The following ACSL1 variants were observed in gnomAD, a reference collection of about 807,000 sequenced individuals.
The protein encoded by ACSL1 is long-chain-fatty-acid--CoA ligase 1.
ACSL1 carries 41 observed loss-of-function variants against 98.4 expected under a neutral mutation model. The observed-to-expected ratio is 0.42, with a 90% CI of 0.32 to 0.54. ACSL1 has a LOEUF of 0.54. ACSL1 is among the 20% of genes least tolerant of loss of function. The pLI is 0.13. For synonymous variants in ACSL1, 316 were observed against 322.7 expected, an observed-to-expected ratio of 0.98 and a Z score of 0.22; for missense variants, 734 against 883.1, an observed-to-expected ratio of 0.83 and a Z score of 2.14.
At chr4:184,792,477 C>T (rs1768565004) in intron 2 of ACSL1, among the ~76,000 whole-genome samples, 1 of 152,146 alleles carries the variant, frequency 6.6e-6, no homozygotes, top group African/African-American at 2.4e-5. Flanking sequence ...GCTCTGTCGC[C>T]CAGGCTAGAG....
chr4:184,792,297 A>G (rs1288488717), intron 2 of ACSL1, among the ~76,000 whole-genome samples: 1 of 152,242 alleles, frequency 6.6e-6, no homozygotes, highest in Non-Finnish European at 1.5e-5. Flanking sequence ...ACGGGATAAA[A>G]GGTCACACTG....
chr4:184,768,531 G>C (rs926170291), intron 11 of ACSL1, 81 bp from the exon 12 acceptor site: 94 of 1,515,560 alleles, frequency 6.2e-5, no homozygotes, highest in Non-Finnish European at 7.9e-5. Context: ...CAACATTTCA[G>C]TTTTAGCATT....
At chr4:184,787,077 G>A (rs999524555) in intron 3 of ACSL1, among the ~76,000 whole-genome samples, 3 of 152,190 alleles carry the variant, frequency 2.0e-5, no homozygotes, top group Admixed American at 2.0e-4. Flanking sequence ...ACCGTAAAAA[G>A]ATTACAATGT....
rs1030894750 is a variant in ACSL1, at chr4:184,756,268, G to A, written c.*857C>T. 1.3e-5 allele frequency: 2 copies of A among 152,622 alleles called. No homozygotes were observed. Among genetic ancestry groups the A allele is most frequent in the African/African-American group, 4.8e-5 (2 of 41,440 alleles). 9.5% of individuals were successfully genotyped at this position (152,622 alleles called of 1,614,324 possible). ...AGATAAAGTAGACAGTTATTCAGGC[G>A]TCACAGCTGAGCATGGCTGATCCAG... On this transcript the variant is annotated 3_prime_UTR_variant, in exon 21 of 21. Coordinates refer to ENST00000281455, the MANE Select transcript of ACSL1 (RefSeq NM_001995.5).
chr4:184,804,464 C>T (rs542375989), intron 1 of ACSL1, among the ~76,000 whole-genome samples: 142 of 152,110 alleles, frequency 9.3e-4, no homozygotes, highest in Middle Eastern at 3.4e-3. Context: ...CCTGTAATCC[C>T]AGCTACTCAG....
At chr4:184,771,055 C>T (rs769214081) in intron 10 of ACSL1, among the ~76,000 whole-genome samples, 40 of 151,918 alleles carry the variant, frequency 2.6e-4, no homozygotes, top group African/African-American at 8.7e-4. Context: ...ATCAGGGAGG[C>T]GGAGGCTGCA....
At chr4:184,758,290 G>T (rs916315212) in intron 18 of ACSL1, 77 of 205,566 alleles carry the variant, frequency 3.7e-4, no homozygotes, top group African/African-American at 1.8e-3. Flanking sequence ...AAGGAAGCCT[G>T]TCTCATGCTT....
chr4:184,772,957 C>T (rs1473463991), intron 10 of ACSL1, 124 bp downstream of exon 10: 1 of 831,814 alleles, frequency 1.2e-6, no homozygotes, highest in Non-Finnish European at 1.9e-6. Flanking sequence ...CTGACCTTAC[C>T]CATATGTCAC....
intron 2 of ACSL1, among the ~76,000 whole-genome samples, chr4:184,799,958 C>A (rs1770184174): frequency 6.6e-6 from 1 of 152,144 alleles, no homozygotes; most frequent in Non-Finnish European, 1.5e-5. Flanking sequence ...TTTACTGCCC[C>A]CTTCCCCAAA....
chr4:184,797,276 G>A (rs1234366027), intron 2 of ACSL1, among the ~76,000 whole-genome samples: 1 of 152,230 alleles, frequency 6.6e-6, no homozygotes, highest in Non-Finnish European at 1.5e-5. Flanking sequence ...AGTCTGGTGT[G>A]AGTCTTCATA....
chr4:184,820,652 T>C (rs577280847), intron 1 of ACSL1, among the ~76,000 whole-genome samples: 1 of 152,264 alleles, frequency 6.6e-6, no homozygotes, highest in African/African-American at 2.4e-5. Context: ...TCACCCAGGC[T>C]GGAGTGCTGT....
chr4:184,768,065 G>T, intron 12 of ACSL1: 2 of 476,464 alleles, frequency 4.2e-6, no homozygotes, highest in South Asian at 8.9e-5. Context: ...AAAATAAAAT[G>T]ACCTCCCACA....
chr4:184,779,173 T>C (rs1765793682), intron 5 of ACSL1, among the ~76,000 whole-genome samples: 1 of 152,286 alleles, frequency 6.6e-6, no homozygotes, highest in Non-Finnish European at 1.5e-5. Flanking sequence ...TCAACTTGAA[T>C]TGTATCTCCC....
chr4:184,809,706 G>A (rs1250468614), intron 1 of ACSL1, among the ~76,000 whole-genome samples: 1 of 152,298 alleles, frequency 6.6e-6, no homozygotes, highest in African/African-American at 2.4e-5. Flanking sequence ...TGAGGCAGGA[G>A]AATGGTGTGA....
intron 14 of ACSL1, 76 bp from the exon 15 acceptor site, chr4:184,765,001 T>C: frequency 7.1e-7 from 1 of 1,406,408 alleles, no homozygotes. Flanking sequence ...AGCAATGAAG[T>C]CTCACTAACT....
chr4:184,769,070 A>AATATATATATATATATATATATATAT (rs34360556), intron 11 of ACSL1, among the ~76,000 whole-genome samples: 65 of 147,710 alleles, frequency 4.4e-4, no homozygotes, highest in African/African-American at 1.1e-3. Context: ...CTCTGTCTCA[A>AATATATATATATATATATATATATAT]ATATATATAT....
At chr4:184,818,935 G>A (rs1003555738) in intron 1 of ACSL1, among the ~76,000 whole-genome samples, 4 of 152,082 alleles carry the variant, frequency 2.6e-5, no homozygotes, top group African/African-American at 9.7e-5. Flanking sequence ...CACTTGGGTA[G>A]CAGCTATTCT....
intron 1 of ACSL1, among the ~76,000 whole-genome samples, chr4:184,811,059 A>C (rs1294573595): frequency 6.6e-6 from 1 of 152,194 alleles, no homozygotes; most frequent in Non-Finnish European, 1.5e-5. Context: ...AAGTCTAAAC[A>C]GAGGGCATAG....
chr4:184,803,350 G>A lies in ACSL1; in HGVS notation c.165C>T (p.Cys55=), dbSNP rs764941949. 107 of 1,607,926 alleles carry A rather than the reference G, an allele frequency of 6.7e-5. No homozygotes were observed. Among genetic ancestry groups the A allele is most frequent in the South Asian group, 1.2e-4 (11 of 90,218 alleles). Residue 55 remains cysteine, a synonymous_variant, in exon 2 of 21, where the codon TGC becomes TGT. Coordinates refer to ENST00000281455, the MANE Select transcript of ACSL1 (RefSeq NM_001995.5). The surrounding 1 kb of genome is among the most constrained non-coding windows in gnomAD (Gnocchi z 4.8). ...ATRPKPLKPP[C]DLSMQSVEVA... is the part of the protein sequence containing the mutation. Reference sequence around the variant, plus strand: ...CTTCCACTGACTGCATGGAGAGGTCGCATGGCGGCTTCAGGGGTTTGGGTC... The same window carrying A: ...CTTCCACTGACTGCATGGAGAGGTCACATGGCGGCTTCAGGGGTTTGGGTC...
Sources: gnomAD v4.1 joint callset for allele counts (sites outside exome capture counted in the v4.1 genomes callset) on GRCh38, gnomAD v4.1.1 for gene constraint, Gnocchi (gnomAD v3.1) non-coding constraint, MANE v1.5 for transcripts, NCBI Gene and HGNC (gene_info 2026-07-23, HGNC 2026-07-21) for gene names.